The following AOPEP variants were observed in gnomAD, a reference collection of about 807,000 sequenced individuals.
The protein encoded by AOPEP is aminopeptidase O (putative).
AOPEP carries 77 observed loss-of-function variants against 98.1 expected under a neutral mutation model. That is an observed-to-expected ratio of 0.78 (90% CI 0.65 to 0.95). AOPEP has a LOEUF of 0.95. Among genes scored for constraint, AOPEP ranks in the 40% least tolerant of loss-of-function variants. AOPEP has a pLI of 0.00. For missense variants in AOPEP, 1,024 were observed against 1,024.7 expected (o/e 1.00, Z 0.01); for synonymous variants, 346 against 365.3 (o/e 0.95, Z 0.60).
At chr9:94,805,688 G>C (rs57990451) in intron 5 of AOPEP, among the ~76,000 whole-genome samples, 1 of 152,248 alleles carries the variant, frequency 6.6e-6, no homozygotes, top group East Asian at 1.9e-4. Context: ...GTTTATACTA[G>C]TTCCTGACTA....
At chr9:95,062,511 T>A (rs190850644) in intron 14 of AOPEP, among the ~76,000 whole-genome samples, 10 of 152,320 alleles carry the variant, frequency 6.6e-5, no homozygotes, top group African/African-American at 2.4e-4. Context: ...GAGAAGCCTA[T>A]TCCATGGTTG....
At chr9:94,912,620 A>G (rs1476396111) in intron 5 of AOPEP, among the ~76,000 whole-genome samples, 1 of 152,234 alleles carries the variant, frequency 6.6e-6, no homozygotes, top group Non-Finnish European at 1.5e-5. Context: ...AGAAAACACC[A>G]AAAAGCATCT....
At chr9:94,914,523 CGTGTGT>C (rs67826706) in intron 5 of AOPEP, among the ~76,000 whole-genome samples, 118 of 143,698 alleles carry the variant, frequency 8.2e-4, no homozygotes, top group African/African-American at 1.8e-3. Context: ...TGGCATTAGA[CGTGTGT>C]GTGTGTGTGT....
chr9:94,758,058 C>T (rs540040322), intron 1 of AOPEP, among the ~76,000 whole-genome samples: 1 of 152,308 alleles, frequency 6.6e-6, no homozygotes, highest in African/African-American at 2.4e-5. Flanking sequence ...TTCTATTGCA[C>T]TGAAAGTGTG....
chr9:94,730,249 A>T (rs1830205031), intron 1 of AOPEP, among the ~76,000 whole-genome samples: 1 of 148,434 alleles, frequency 6.7e-6, no homozygotes, highest in Non-Finnish European at 1.5e-5. Flanking sequence ...GCGCCACTGC[A>T]CTCCAGCCTG....
chr9:95,147,524 A>G, the AOPEP span, among the ~76,000 whole-genome samples: 1 of 152,194 alleles, frequency 6.6e-6, no homozygotes, highest in East Asian at 1.9e-4. Context: ...CTCAAAAAAG[A>G]AAAGAAAAGA....
intron 5 of AOPEP, among the ~76,000 whole-genome samples, chr9:94,843,381 C>G (rs1564240251): frequency 6.6e-6 from 1 of 152,216 alleles, no homozygotes. Flanking sequence ...ATTCCAGCCT[C>G]CAACCCTTGT....
chr9:95,005,644 G>C (rs1321172286), intron 13 of AOPEP, 28 bp downstream of exon 13: 2 of 1,592,906 alleles, frequency 1.3e-6, no homozygotes, highest in African/African-American at 2.7e-5. Flanking sequence ...GGTACTCGGT[G>C]CAGGTCTTGG....
intron 5 of AOPEP, among the ~76,000 whole-genome samples, chr9:94,855,207 A>C (rs10821407): frequency 0.84 from 128,149 of 151,874 alleles, 55,776 homozygotes; most frequent in Non-Finnish European, 0.94. Context: ...CCTCCTGAGT[A>C]GCTGGGACTA....
intron 3 of AOPEP, among the ~76,000 whole-genome samples, chr9:94,791,604 G>A (rs1845740143): frequency 6.6e-6 from 1 of 152,018 alleles, no homozygotes; most frequent in Non-Finnish European, 1.5e-5. Context: ...TTGGATATTG[G>A]GTATACAAGA....
chr9:95,005,479 G>T, intron 12 of AOPEP, 63 bp from the exon 13 acceptor site: 1 of 1,475,816 alleles, frequency 6.8e-7, no homozygotes, highest in South Asian at 1.1e-5. Context: ...GCTTTCTCGC[G>T]CTGGGGGATG....
chr9:95,052,452 C>A (rs1229552980), intron 13 of AOPEP, among the ~76,000 whole-genome samples: 1 of 152,118 alleles, frequency 6.6e-6, no homozygotes, highest in African/African-American at 2.4e-5. Context: ...AGTTTTTTCC[C>A]CATTTGCTAA....
chr9:94,870,309 A>T (rs1386659637), intron 5 of AOPEP, among the ~76,000 whole-genome samples: 1 of 152,094 alleles, frequency 6.6e-6, no homozygotes, highest in Non-Finnish European at 1.5e-5. Flanking sequence ...AATTATTTTA[A>T]AAGGGAAGGG....
intron 5 of AOPEP, among the ~76,000 whole-genome samples, chr9:94,865,725 G>A (rs577589063): frequency 6.6e-6 from 1 of 152,304 alleles, no homozygotes; most frequent in African/African-American, 2.4e-5. Flanking sequence ...ATCTTGGACA[G>A]CTGCATATGT....
chr9:95,074,588 C>T (rs560550433), intron 14 of AOPEP, among the ~76,000 whole-genome samples: 1 of 152,282 alleles, frequency 6.6e-6, no homozygotes, highest in South Asian at 2.1e-4. Flanking sequence ...GAGCATGTCC[C>T]GTAAGCAGAA....
At chr9:94,893,799 A>G (rs2049141502) in intron 5 of AOPEP, among the ~76,000 whole-genome samples, 1 of 152,198 alleles carries the variant, frequency 6.6e-6, no homozygotes, top group African/African-American at 2.4e-5. Context: ...CAGAAATAAC[A>G]TTATTCTCTT....
intron 5 of AOPEP, among the ~76,000 whole-genome samples, chr9:94,856,991 A>C (rs1588568569): frequency 6.6e-6 from 1 of 152,206 alleles, no homozygotes; most frequent in Non-Finnish European, 1.5e-5. Flanking sequence ...TTTTTGCCTC[A>C]GTTTTTCGTC....
chr9:95,032,749 A>G (rs2064427906), intron 13 of AOPEP, among the ~76,000 whole-genome samples: 1 of 152,220 alleles, frequency 6.6e-6, no homozygotes, highest in South Asian at 2.1e-4. Context: ...AGGTAAATAC[A>G]TGACTAAGTG....
At chr9:95,120,084 G>C in the AOPEP span, among the ~76,000 whole-genome samples, 3 of 151,726 alleles carry the variant, frequency 2.0e-5, no homozygotes, top group Non-Finnish European at 2.9e-5. Context: ...AGAAATCTTA[G>C]ATCACCTCAG....
Sources: gnomAD v4.1 joint callset for allele counts (sites outside exome capture counted in the v4.1 genomes callset) on GRCh38, gnomAD v4.1.1 for gene constraint, MANE v1.5 for transcripts, NCBI Gene and HGNC (gene_info 2026-07-23, HGNC 2026-07-21) for gene names.